Variants in SPARCL1 observed in about 807,000 individuals in gnomAD.
SPARCL1 encodes the protein SPARC like 1, also known as SPARC-like protein 1.
A neutral mutation model predicts 67.1 loss-of-function variants in SPARCL1; 52 were observed. The observed-to-expected ratio is 0.78, with a 90% CI of 0.62 to 0.98. The LOEUF is 0.98. SPARCL1 is among the 50% of genes least tolerant of loss of function. The pLI is 0.00. For synonymous variants in SPARCL1, 226 were observed against 267.8 expected (o/e 0.84, Z 1.52); for missense variants, 717 against 782.4 (o/e 0.92, Z 1.00).
chr4:87,504,280 T>C (rs188420381), intron 1 of SPARCL1, among the ~76,000 whole-genome samples: 9 of 151,948 alleles, frequency 5.9e-5, no homozygotes, highest in Admixed American at 5.3e-4. Flanking sequence ...CCAGTTTTAA[T>C]GAAAAGGACA....
At chr4:87,478,901 A>G (rs1361770838) in intron 10 of SPARCL1, among the ~76,000 whole-genome samples, 2 of 152,186 alleles carry the variant, frequency 1.3e-5, no homozygotes, top group Non-Finnish European at 2.9e-5. Flanking sequence ...ACCCTCCCAC[A>G]GCTCCCATTC....
chr4:87,486,961 C>G (rs1163552977), intron 7 of SPARCL1, among the ~76,000 whole-genome samples: 2 of 94,538 alleles, frequency 2.1e-5, no homozygotes, highest in Admixed American at 2.9e-4. Context: ...AGTCCTCCAT[C>G]CCTTTATTTT....
chr4:87,485,181 A>C (rs1310216936), intron 7 of SPARCL1, among the ~76,000 whole-genome samples: 1 of 152,112 alleles, frequency 6.6e-6, no homozygotes, highest in African/African-American at 2.4e-5. Context: ...CTGCCCATTC[A>C]GTATGATATT....
At chr4:87,507,455 A>AT (rs59265294) in intron 1 of SPARCL1, among the ~76,000 whole-genome samples, 3 of 151,666 alleles carry the variant, frequency 2.0e-5, no homozygotes, top group African/African-American at 4.8e-5. Flanking sequence ...TCACTAATCC[A>AT]TTTTTTTTAA....
At chr4:87,513,646 T>C (rs902699602) in intron 1 of SPARCL1, among the ~76,000 whole-genome samples, 6 of 152,100 alleles carry the variant, frequency 3.9e-5, no homozygotes, top group African/African-American at 1.4e-4. Flanking sequence ...GTAATATCAT[T>C]AGAGTCATTT....
intron 8 of SPARCL1, 115 bp from the exon 9 acceptor site, chr4:87,480,635 A>C: frequency 9.1e-5 from 83 of 911,282 alleles, no homozygotes; most frequent in Non-Finnish European, 1.3e-4. Context: ...AAACAAGCTC[A>C]GGACATCATG....
chr4:87,506,758 TTATCTATATCTCTATCTATCTATCATC>T (rs1169664563), intron 1 of SPARCL1, among the ~76,000 whole-genome samples: 155 of 121,204 alleles, frequency 1.3e-3, no homozygotes, highest in South Asian at 3.3e-3. Context: ...TAAGTCCTCA[TTATCTATATCTCTATCTATCTATCATC>T]TATCTATCTA....
rs549813319 is a variant in SPARCL1, at chr4:87,483,242, C to T, written c.1532-682G>A. Among the ~76,000 whole-genome samples the T allele has an allele frequency of 1.8e-4, 28 of 152,188 alleles. No individual in the cohort carries two copies. In the South Asian group the frequency reaches 5.8e-3, roughly 32 times the overall value. ...CTAATGCTATCCCTCTCCTAGTCCC[C>T]CAGCCCCTGACAGGCCCTGGTATAT... On this transcript the variant is annotated intron_variant, in intron 7 of 10. Transcript: ENST00000282470.
intron 7 of SPARCL1, among the ~76,000 whole-genome samples, chr4:87,487,962 C>T (rs1724142573): frequency 6.6e-6 from 1 of 152,184 alleles, no homozygotes; most frequent in Non-Finnish European, 1.5e-5. Flanking sequence ...TTATGTTCTT[C>T]TCTAAACTGG....
intron 1 of SPARCL1, among the ~76,000 whole-genome samples, chr4:87,511,014 C>T (rs1725329826): frequency 6.6e-6 from 1 of 152,194 alleles, no homozygotes; most frequent in East Asian, 1.9e-4. Context: ...CTTGCGCACT[C>T]CCTCCTGCAA....
chr4:87,494,886 G>C (rs750560761), intron 3 of SPARCL1, 95 bp downstream of exon 3: 8 of 1,162,922 alleles, frequency 6.9e-6, no homozygotes, highest in Non-Finnish European at 9.7e-6. Context: ...AAATTAAACT[G>C]AGACATAAAT....
rs770032343 is a variant in SPARCL1 at position 87,473,773 on chromosome 4, G to A, written c.*2C>T. 6.8e-6 allele frequency: 11 copies of A among 1,607,252 alleles called. No homozygotes were observed. In the South Asian group the frequency reaches 1.0e-4, roughly 15 times the overall value. On this transcript the variant is annotated 3_prime_UTR_variant, in exon 11 of 11. Transcript: ENST00000282470. ...GAAAGTTGAGTTCTTTAAAATCTTC[G>A]TTCAAAACAAGAGATTTTCATCTAT...
intron 7 of SPARCL1, among the ~76,000 whole-genome samples, chr4:87,486,682 T>C (rs969661525): frequency 1.3e-5 from 2 of 151,998 alleles, no homozygotes; most frequent in African/African-American, 4.8e-5. Context: ...CCACTATTAT[T>C]GTGTGGGAGT....
chr4:87,509,799 ATGTC>A (rs1343238854), intron 1 of SPARCL1, among the ~76,000 whole-genome samples: 1 of 152,196 alleles, frequency 6.6e-6, no homozygotes, highest in Non-Finnish European at 1.5e-5. Flanking sequence ...GCATGTGTGT[ATGTC>A]TGTGTGTGTG....
intron 1 of SPARCL1, among the ~76,000 whole-genome samples, chr4:87,512,309 T>C (rs1360189144): frequency 6.6e-6 from 1 of 151,954 alleles, no homozygotes; most frequent in East Asian, 1.9e-4. Flanking sequence ...GACAGGTAAA[T>C]AAGGAAAAAT....
intron 1 of SPARCL1, among the ~76,000 whole-genome samples, chr4:87,502,404 TA>T (rs1724889506): frequency 1.3e-5 from 2 of 152,220 alleles, no homozygotes; most frequent in African/African-American, 4.8e-5. Context: ...CTTTAACAAA[TA>T]GCTCCCTATT....
Position 87,495,099 on chromosome 4 carries a change from G to A in SPARCL1, c.83C>T (p.Ser28Phe), listed in dbSNP as rs1724564996. ...TGCTACCGTTTCAGCAGTTGGTTTG[G>A]AATGATCAGATAATAATCTTGCATT... ...PTNARLLSDH[S>F]KPTAETVAPD... The change falls in exon 3 of 11, where the codon TCC becomes TTC. Residue 28 changes from serine to phenylalanine, a missense_variant. Physicochemically the swap from Ser to Phe is radical, Grantham distance 155 (BLOSUM62 -2). Coordinates refer to ENST00000282470, the MANE Select transcript of SPARCL1 (RefSeq NM_004684.6). 1 of 1,610,664 alleles carries A rather than the reference G, an allele frequency of 6.2e-7. No homozygotes were observed. The highest frequency in any genetic ancestry group is 1.3e-5 in the African/African-American group (1 of 74,680).
chr4:87,490,929 T>A, intron 5 of SPARCL1, 51 bp from the exon 6 acceptor site: 1 of 1,076,556 alleles, frequency 9.3e-7, no homozygotes, highest in Non-Finnish European at 1.4e-6. Flanking sequence ...ATTGAGTATG[T>A]AAATACAAAT....
intron 1 of SPARCL1, among the ~76,000 whole-genome samples, chr4:87,504,135 T>TTTTGTGTGTG (rs752135318): frequency 3.2e-5 from 1 of 30,922 alleles, no homozygotes; most frequent in East Asian, 8.5e-4. Context: ...TGATTTGGTA[T>TTTTGTGTGTG]TGTGTGTGTG....
Sources: gnomAD v4.1 joint callset for allele counts (sites outside exome capture counted in the v4.1 genomes callset) on GRCh38, gnomAD v4.1.1 for gene constraint, MANE v1.5 for transcripts, NCBI Gene and HGNC (gene_info 2026-07-23, HGNC 2026-07-21) for gene names.